Variants in LPCAT1 observed in about 807,000 individuals in gnomAD.
LPCAT1 encodes lysophosphatidylcholine acyltransferase 1, also known as 1-acylglycerol-3-phosphate O-acyltransferase.
A neutral mutation model predicts 60.9 loss-of-function variants in LPCAT1; 23 were observed. That is an observed-to-expected ratio of 0.38 (90% confidence interval 0.27 to 0.53). LPCAT1 has a LOEUF of 0.53. Ranked by LOEUF, LPCAT1 falls within the 20% of genes least tolerant of loss-of-function variation. The probability of loss-of-function intolerance (pLI) is 0.82; values close to 1 mark genes in which losing one functional copy is unlikely to be tolerated. For synonymous variants in LPCAT1, 340 were observed against 301.1 expected (o/e 1.13, Z -1.34); for missense variants, 622 against 723.6 (o/e 0.86, Z 1.61).
Position 1,474,008 on chromosome 5 carries a change from C to T in LPCAT1, c.1128G>A (p.Leu376=), listed in dbSNP as rs764870015. The change falls in exon 11 of 14, where the codon CTG becomes CTA. Residue 376 remains leucine (L), a synonymous_variant. Transcript: ENST00000283415. The stretch of plus-strand genomic sequence containing the variant: ...CCAGCAAGTCAGAAACGGGGACTTC[C>T]AGGGAGGCGGCAAACTCCGCAATAC... ...KIGIAEFAAS[L]EVPVSDLLED... The T allele has an allele frequency of 6.2e-7, 1 of 1,614,194 alleles. No individual in the cohort carries two copies. Among genetic ancestry groups the T allele is most frequent in the Non-Finnish European group, 8.5e-7 (1 of 1,180,038 alleles).
chr5:1,465,583 GCACA>G (rs1183243452), intron 13 of LPCAT1, among the ~76,000 whole-genome samples: 1 of 140,470 alleles, frequency 7.1e-6, no homozygotes, highest in Non-Finnish European at 1.5e-5. Flanking sequence ...ACAAGTGCAC[GCACA>G]CACACGCACG....
intron 8 of LPCAT1, among the ~76,000 whole-genome samples, chr5:1,478,616 G>T (rs1048262912): frequency 6.6e-6 from 1 of 152,230 alleles, no homozygotes; most frequent in African/African-American, 2.4e-5. Context: ...CTCAGGCCCG[G>T]GCCAAGGCCC....
Position 1,463,406 on chromosome 5 carries a change from ACGGGGTCCAGGCCAGG to A in LPCAT1, c.*229_*244del, listed in dbSNP as rs995744174. 4.4e-5 allele frequency: 22 copies of A among 505,102 alleles called. No homozygotes were observed. The highest frequency in any genetic ancestry group is 2.5e-4 in the African/African-American group (13 of 51,174). The allele number at this position is 505,102 out of a possible 1,614,324, so 31.3% of individuals were successfully genotyped here. ...CCCGCCCGGCAGGGAACCTGACCCCACGGGGTCCAGGCCAGGCGGGGGATCCGCGTGCGCGCCCTCC... is the reference window on the plus strand; with the variant it reads ...CCCGCCCGGCAGGGAACCTGACCCCACGGGGGATCCGCGTGCGCGCCCTCC... On this transcript the variant is annotated 3_prime_UTR_variant, in exon 14 of 14. Coordinates refer to ENST00000283415, the MANE Select transcript of LPCAT1 (RefSeq NM_024830.5).
At position 1,474,651 on chromosome 5, in the gene LPCAT1, C is replaced by T. The variant is rs370890349; in HGVS notation, c.934G>A (p.Glu312Lys). 3 of 1,613,910 alleles carry T rather than the reference C, an allele frequency of 1.9e-6. No individual in the cohort carries two copies. The highest frequency in any genetic ancestry group is 1.7e-5 in the Admixed American group (1 of 59,996). Residue 312 changes from glutamate to lysine, a missense_variant, in exon 10 of 14, where the codon GAG (glutamate) becomes AAG (lysine). Around this residue, in one of 3 missense-constraint regions of LPCAT1, gnomAD observed 209 missense variants for 325.5 expected, o/e 0.64. Coordinates refer to ENST00000283415, the MANE Select transcript of LPCAT1 (RefSeq NM_024830.5). ...LGVSVTDYTF[E>K]DCQLALAEGQ... Reference sequence around the variant, plus strand: ...TCCGCCAGGGCCAGCTGGCAGTCCTCGAACGTGTAGTCAGTCACGGAGACA... The same window carrying T: ...TCCGCCAGGGCCAGCTGGCAGTCCTTGAACGTGTAGTCAGTCACGGAGACA...
At position 1,523,315 on chromosome 5, in the gene LPCAT1, C is replaced by G. The variant is rs1303977836; in HGVS notation, c.135+395G>C. On this transcript the variant is annotated intron_variant, in intron 1 of 13. Transcript: ENST00000283415. The surrounding 1 kb of genome is among the most constrained non-coding windows in gnomAD (Gnocchi z 7.1). ...GGGCGGGGCCCGGACCAGGGACGAGCGCGGGGACCGGCGATGCGGGTCCAG... is the reference window on the plus strand; with the variant it reads ...GGGCGGGGCCCGGACCAGGGACGAGGGCGGGGACCGGCGATGCGGGTCCAG... Among the ~76,000 whole-genome samples, 1 of 151,880 alleles carries G rather than the reference C, an allele frequency of 6.6e-6. No homozygotes were observed. Among genetic ancestry groups the G allele is most frequent in the East Asian group, 1.9e-4 (1 of 5,176 alleles).
intron 4 of LPCAT1, 45 bp from the exon 5 acceptor site, chr5:1,488,496 A>T (rs991715484): frequency 1.5e-6 from 2 of 1,308,312 alleles, no homozygotes; most frequent in African/African-American, 3.0e-5. Flanking sequence ...ACTGTACATA[A>T]TTATAATTCA....
Position 1,483,540 on chromosome 5 carries a change from C to T in LPCAT1, c.668-54G>A. On this transcript the variant is annotated intron_variant, in intron 5 of 13. Coordinates refer to ENST00000283415, the MANE Select transcript of LPCAT1 (RefSeq NM_024830.5). The surrounding 1 kb of genome is among the most constrained non-coding windows in gnomAD (Gnocchi z 9.2). ...CATGGCAGCCCACGCAGGACAGCGT[C>T]TGCTGCGTTTCTCATGCTGCCCTTG... 6.3e-7 allele frequency: 1 copy of T among 1,574,820 alleles called. No individual in the cohort carries two copies. Among genetic ancestry groups the T allele is most frequent in the Non-Finnish European group, 8.7e-7 (1 of 1,147,338 alleles).
chr5:1,510,915 G>C (rs1579812069), intron 1 of LPCAT1: 1 of 152,418 alleles, frequency 6.6e-6, no homozygotes, highest in Non-Finnish European at 1.5e-5. Context: ...AGTGTCTCTG[G>C]AGCAGGGGCC....
At chr5:1,508,486 G>A (rs986985230) in intron 1 of LPCAT1, among the ~76,000 whole-genome samples, 10 of 152,142 alleles carry the variant, frequency 6.6e-5, no homozygotes, top group Non-Finnish European at 1.2e-4. Flanking sequence ...CACCCAGGGA[G>A]GGACGGCCCT....
chr5:1,463,617 C>CG lies in LPCAT1; in HGVS notation c.*33dup. On this transcript the variant is annotated 3_prime_UTR_variant, in exon 14 of 14. Transcript: ENST00000283415. ...GAGGCTCATGGCGGTGATGTCCACG[C>CG]GGGAGGGGCCGCGTCTCTCCGCAAC... The CG allele has an allele frequency of 6.2e-7, 1 of 1,608,664 alleles. No individual in the cohort carries two copies. The highest frequency in any genetic ancestry group is 2.2e-5 in the East Asian group (1 of 44,856).
At chr5:1,512,053 G>A (rs1234095348) in intron 1 of LPCAT1, among the ~76,000 whole-genome samples, 1 of 152,220 alleles carries the variant, frequency 6.6e-6, no homozygotes, top group Non-Finnish European at 1.5e-5. Flanking sequence ...CACCTGGGCA[G>A]CCCCACATCA....
At chr5:1,464,750 AC>A (rs1734265609) in intron 13 of LPCAT1, among the ~76,000 whole-genome samples, 2 of 137,754 alleles carry the variant, frequency 1.5e-5, no homozygotes, top group Admixed American at 7.3e-5. Flanking sequence ...ACACACACAC[AC>A]AAAACAAGCA....
rs1364746288 is a variant in LPCAT1 at position 1,480,488 on chromosome 5, T to C, written c.761+454A>G. On this transcript the variant is annotated intron_variant, in intron 7 of 13. Transcript: ENST00000283415. This position sits in a 1 kb window ranked among gnomAD's most constrained non-coding sequence, Gnocchi z 6.4. ...GGGCTCGTTCCCGTTTCCGTGGGGT[T>C]GTTCATTGTTGCATAACTGACCTTC... 3 of 434,956 alleles carry C rather than the reference T, an allele frequency of 6.9e-6. No homozygotes were observed. Among genetic ancestry groups the C allele is most frequent in the Non-Finnish European group, 9.2e-6 (3 of 326,986 alleles). 26.9% of individuals were successfully genotyped at this position (434,956 alleles called of 1,614,324 possible).
Position 1,501,670 on chromosome 5 carries a change from G to A in LPCAT1, c.136-67C>T, listed in dbSNP as rs1736014353. On this transcript the variant is annotated intron_variant, in intron 1 of 13. Coordinates refer to ENST00000283415, the MANE Select transcript of LPCAT1 (RefSeq NM_024830.5). ...ACACCAGGCAGCTCCCCACCCGGCA[G>A]AGGCTAGCCCAGGGGGACAGCGCGC... The A allele has an allele frequency of 1.1e-5, 17 of 1,543,964 alleles. No homozygotes were observed. In the South Asian group the frequency reaches 1.9e-4, roughly 17 times the overall value.
intron 11 of LPCAT1, among the ~76,000 whole-genome samples, chr5:1,472,029 TGGTCAGAGAGCAGGAGGA>T (rs1734696768): frequency 2.8e-5 from 2 of 72,204 alleles, no homozygotes; most frequent in African/African-American, 1.3e-4. Context: ...GAGGACGCTC[TGGTCAGAGAGCAGGAGGA>T]AGTGAGGTGA....
rs537918969 is a variant in LPCAT1 at position 1,495,339 on chromosome 5, G to A, written c.279-425C>T. Among the ~76,000 whole-genome samples, 1 of 151,838 alleles carries A rather than the reference G, an allele frequency of 6.6e-6. No homozygotes were observed. Among genetic ancestry groups the A allele is most frequent in the Non-Finnish European group, 1.5e-5 (1 of 67,960 alleles). Reference sequence around the variant, plus strand: ...AACGCATATCGCAATATGGGGGGGGGGGCGCTCAGAGCTGAGGGCGGAAGC... The same window carrying A: ...AACGCATATCGCAATATGGGGGGGGAGGCGCTCAGAGCTGAGGGCGGAAGC... On this transcript the variant is annotated intron_variant, in intron 2 of 13. Coordinates refer to ENST00000283415, the MANE Select transcript of LPCAT1 (RefSeq NM_024830.5). The surrounding 1 kb of genome is among the most constrained non-coding windows in gnomAD (Gnocchi z 4.7).
chr5:1,483,342 A>T lies in LPCAT1; in HGVS notation c.726+86T>A. ...GCGCAGATAAAGGGTGTGGAGAGACAGAGACACAGGTGCACAGAGGCAGCT... is the reference window on the plus strand; with the variant it reads ...GCGCAGATAAAGGGTGTGGAGAGACTGAGACACAGGTGCACAGAGGCAGCT... On this transcript the variant is annotated intron_variant, in intron 6 of 13. Coordinates refer to ENST00000283415, the MANE Select transcript of LPCAT1 (RefSeq NM_024830.5). This position sits in a 1 kb window ranked among gnomAD's most constrained non-coding sequence, Gnocchi z 9.2. 7.4e-7 allele frequency: 1 copy of T among 1,360,114 alleles called. No homozygotes were observed. The allele number at this position is 1,360,114 out of a possible 1,614,324, so 84.3% of individuals were successfully genotyped here.
Position 1,522,653 on chromosome 5 carries a change from G to A in LPCAT1, c.135+1057C>T, listed in dbSNP as rs551641962. Among the ~76,000 whole-genome samples, 2 of 152,162 alleles carry A rather than the reference G, an allele frequency of 1.3e-5. No homozygotes were observed. The highest frequency in any genetic ancestry group is 4.1e-4 in the South Asian group (2 of 4,824). On this transcript the variant is annotated intron_variant, in intron 1 of 13. Transcript: ENST00000283415. The surrounding 1 kb of genome is among the most constrained non-coding windows in gnomAD (Gnocchi z 6.8). The stretch of plus-strand genomic sequence containing the variant: ...TGGCCTCAAGAACTTTTCACTTCAG[G>A]GTTCTTTCAGATAAAGTACTTTATG...
intron 2 of LPCAT1, among the ~76,000 whole-genome samples, chr5:1,498,466 G>A (rs1365419937): frequency 6.6e-6 from 1 of 152,130 alleles, no homozygotes; most frequent in Non-Finnish European, 1.5e-5. Flanking sequence ...AAGCATCCGT[G>A]CATACTCCCA....
Sources: gnomAD v4.1 joint callset for allele counts (sites outside exome capture counted in the v4.1 genomes callset) on GRCh38, gnomAD v4.1.1 for gene constraint, gnomAD v4.1.1 regional missense constraint, Gnocchi (gnomAD v3.1) non-coding constraint, MANE v1.5 for transcripts, NCBI Gene and HGNC (gene_info 2026-07-23, HGNC 2026-07-21) for gene names.